Variants in NXPH1 observed in about 807,000 individuals in gnomAD.
NXPH1 encodes the protein neurexophilin-1.
A neutral mutation model predicts 23.7 loss-of-function variants in NXPH1; 5 were observed. That is an observed-to-expected ratio of 0.21 (90% CI 0.11 to 0.44). The LOEUF (loss-of-function observed/expected upper bound fraction) is 0.44, where lower values mean the gene tolerates loss of function less well. Among genes scored for constraint, NXPH1 ranks in the 20% least tolerant of loss-of-function variants. The pLI is 0.99. For synonymous variants in NXPH1, 144 were observed against 122.2 expected (o/e 1.18, Z -1.18); for missense variants, 324 against 321.6 (o/e 1.01, Z -0.06).
At chr7:8,485,826 G>A (rs896448226) in intron 2 of NXPH1, among the ~76,000 whole-genome samples, 3 of 152,082 alleles carry the variant, frequency 2.0e-5, no homozygotes, top group African/African-American at 7.2e-5. Flanking sequence ...TATTGATTAG[G>A]ACCCTCTGTG....
At chr7:8,484,071 G>C (rs538497788) in intron 2 of NXPH1, among the ~76,000 whole-genome samples, 42 of 149,458 alleles carry the variant, frequency 2.8e-4, no homozygotes, top group South Asian at 1.1e-3. Flanking sequence ...ATCTTCATAT[G>C]CTCTGCATGC....
chr7:8,700,596 C>T (rs774259016), intron 2 of NXPH1, among the ~76,000 whole-genome samples: 27 of 152,152 alleles, frequency 1.8e-4, no homozygotes, highest in Non-Finnish European at 3.4e-4. Flanking sequence ...TTAAAAGCAG[C>T]ATTAGAGTAC....
chr7:8,682,084 T>C (rs1583228491), intron 2 of NXPH1, among the ~76,000 whole-genome samples: 1 of 151,668 alleles, frequency 6.6e-6, no homozygotes, highest in African/African-American at 2.4e-5. Flanking sequence ...GGGTGAGGGG[T>C]GATTGATCAC....
intron 2 of NXPH1, among the ~76,000 whole-genome samples, chr7:8,555,549 G>C (rs1368917186): frequency 1.3e-5 from 2 of 151,594 alleles, no homozygotes; most frequent in African/African-American, 4.8e-5. Context: ...TGGAGAGGAG[G>C]CTTCTTTCTG....
chr7:8,648,534 A>G (rs1820433057), intron 2 of NXPH1, among the ~76,000 whole-genome samples: 1 of 152,252 alleles, frequency 6.6e-6, no homozygotes, highest in African/African-American at 2.4e-5. Context: ...CATTGTGTAT[A>G]CACACCACAT....
chr7:8,730,987 G>A (rs573414681), intron 2 of NXPH1, among the ~76,000 whole-genome samples: 1 of 146,080 alleles, frequency 6.8e-6, no homozygotes, highest in Non-Finnish European at 1.5e-5. Context: ...CCAATCAGAC[G>A]TAGATTTGGT....
At chr7:8,512,934 C>T (rs754774870) in intron 2 of NXPH1, among the ~76,000 whole-genome samples, 2 of 152,116 alleles carry the variant, frequency 1.3e-5, no homozygotes, top group African/African-American at 4.8e-5. Context: ...AAACTTATGA[C>T]ACACTGGATA....
intron 2 of NXPH1, among the ~76,000 whole-genome samples, chr7:8,513,182 A>G (rs765856): frequency 0.69 from 105,305 of 151,880 alleles, 36,643 homozygotes; most frequent in African/African-American, 0.74. Flanking sequence ...GAATGGGGTC[A>G]TGAACATGGA....
intron 2 of NXPH1, among the ~76,000 whole-genome samples, chr7:8,487,496 T>C (rs935293305): frequency 6.6e-6 from 1 of 152,168 alleles, no homozygotes; most frequent in Non-Finnish European, 1.5e-5. Context: ...CTTTATAAAT[T>C]ACCTATTCAT....
chr7:8,559,304 A>C (rs79818369), intron 2 of NXPH1, among the ~76,000 whole-genome samples: 11,289 of 151,664 alleles, frequency 0.074, 1,397 homozygotes, highest in African/African-American at 0.26. Flanking sequence ...AAAAGTCTTA[A>C]TTTGATTGAA....
At chr7:8,471,660 T>C (rs910227928) in intron 2 of NXPH1, among the ~76,000 whole-genome samples, 2 of 152,144 alleles carry the variant, frequency 1.3e-5, no homozygotes, top group Non-Finnish European at 2.9e-5. Flanking sequence ...TTTACCTTTT[T>C]ATTCTTGAAC....
intron 2 of NXPH1, among the ~76,000 whole-genome samples, chr7:8,544,667 T>C (rs1405893081): frequency 3.3e-5 from 5 of 151,638 alleles, no homozygotes; most frequent in Admixed American, 1.3e-4. Flanking sequence ...ATTTTTATTA[T>C]GCTTCTTAAA....
At chr7:8,484,288 T>A (rs1817123093) in intron 2 of NXPH1, among the ~76,000 whole-genome samples, 2 of 152,006 alleles carry the variant, frequency 1.3e-5, no homozygotes, top group Admixed American at 6.6e-5. Context: ...TTTGTTAGGT[T>A]TCTAAGGGCT....
At chr7:8,630,594 A>ATT (rs1193860274) in intron 2 of NXPH1, among the ~76,000 whole-genome samples, 2 of 152,170 alleles carry the variant, frequency 1.3e-5, no homozygotes, top group East Asian at 1.9e-4. Flanking sequence ...CTAAGTTGTC[A>ATT]TTTTACGAGG....
chr7:8,708,397 G>T (rs1779736013), intron 2 of NXPH1, among the ~76,000 whole-genome samples: 1 of 151,888 alleles, frequency 6.6e-6, no homozygotes, highest in Non-Finnish European at 1.5e-5. Context: ...TTTTGCTCTT[G>T]TTGCTCAGGC....
intron 2 of NXPH1, among the ~76,000 whole-genome samples, chr7:8,699,563 C>G (rs1471660068): frequency 1.3e-5 from 2 of 151,972 alleles, no homozygotes; most frequent in Non-Finnish European, 2.9e-5. Context: ...CAACTATCAC[C>G]AAAGCATTTT....
intron 2 of NXPH1, among the ~76,000 whole-genome samples, chr7:8,719,669 A>T (rs1281534653): frequency 6.6e-6 from 1 of 152,204 alleles, no homozygotes; most frequent in Non-Finnish European, 1.5e-5. Context: ...CTGCCTTAAG[A>T]GCTGTCAGCC....
At chr7:8,572,106 A>G (rs1235825222) in intron 2 of NXPH1, among the ~76,000 whole-genome samples, 1 of 151,860 alleles carries the variant, frequency 6.6e-6, no homozygotes, top group South Asian at 2.1e-4. Flanking sequence ...AACACAAATA[A>G]TTTTTTAGTA....
chr7:8,453,204 T>TACAA (rs1816536983), intron 2 of NXPH1, among the ~76,000 whole-genome samples: 1 of 152,106 alleles, frequency 6.6e-6, no homozygotes, highest in Non-Finnish European at 1.5e-5. Context: ...TATTTGTATT[T>TACAA]ATACTGTATT....
Sources: allele counts gnomAD v4.1 joint callset (sites outside exome capture counted in the v4.1 genomes callset), GRCh38; gene constraint gnomAD v4.1.1; transcripts MANE v1.5; gene names NCBI Gene and HGNC (gene_info 2026-07-23, HGNC 2026-07-21).